The following TACC2 variants were observed in gnomAD, a reference collection of about 807,000 sequenced individuals.
The protein encoded by TACC2 is transforming acidic coiled-coil containing protein 2.
A neutral mutation model predicts 227.3 loss-of-function variants in TACC2; 137 were observed. The ratio of observed to expected loss-of-function variants is 0.60; its 90% CI spans 0.52 to 0.69. The LOEUF (loss-of-function observed/expected upper bound fraction) is 0.69, where lower values mean the gene tolerates loss of function less well. Among genes scored for constraint, TACC2 ranks in the 30% least tolerant of loss-of-function variants. TACC2 has a pLI of 0.00. For synonymous variants in TACC2, 1,523 were observed against 1,487.5 expected (o/e 1.02, Z -0.55); for missense variants, 3,470 against 3,694.4 (o/e 0.94, Z 1.57).
At chr10:122,041,959 T>G (rs2074332043) in intron 2 of TACC2, among the ~76,000 whole-genome samples, 3 of 150,108 alleles carry the variant, frequency 2.0e-5, no homozygotes, top group Admixed American at 1.3e-4. Flanking sequence ...TTTCTTTTCT[T>G]TTTTGAGACG....
intron 1 of TACC2, among the ~76,000 whole-genome samples, chr10:122,013,615 C>A (rs1956205650): frequency 6.6e-6 from 1 of 152,184 alleles, no homozygotes; most frequent in Admixed American, 6.5e-5. Flanking sequence ...TCAGGTGAAC[C>A]TGAGCTCCCC....
intron 18 of TACC2, among the ~76,000 whole-genome samples, chr10:122,240,797 C>A (rs1328695257): frequency 6.6e-6 from 1 of 152,184 alleles, no homozygotes; most frequent in African/African-American, 2.4e-5. Flanking sequence ...TTTCTTCCAG[C>A]AGATTGGCTT....
chr10:122,014,811 C>T (rs1253789960), intron 1 of TACC2, among the ~76,000 whole-genome samples: 1 of 152,216 alleles, frequency 6.6e-6, no homozygotes, highest in Non-Finnish European at 1.5e-5. Context: ...GATTAGTCAC[C>T]TGGCCCAAAC....
rs924445046 is a variant in TACC2, at chr10:122,150,917, A to T, written c.5834+7211A>T. ...ACTATTCGGAAGGTGGCGCAGGGGA[A>T]GGAGCATGAAGTTGGAAAGACAGGC... On this transcript the variant is annotated intron_variant, in intron 7 of 22. Transcript: ENST00000369005. This position sits in a 1 kb window ranked among gnomAD's most constrained non-coding sequence, Gnocchi z 4.0. Among the ~76,000 whole-genome samples, 3 of 152,192 alleles carry T rather than the reference A, an allele frequency of 2.0e-5. No individual in the cohort carries two copies. Among genetic ancestry groups the T allele is most frequent in the Non-Finnish European group, 4.4e-5 (3 of 68,034 alleles).
chr10:122,105,757 A>C (rs1466668429), intron 5 of TACC2, among the ~76,000 whole-genome samples: 2 of 149,476 alleles, frequency 1.3e-5, no homozygotes, highest in African/African-American at 4.9e-5. Flanking sequence ...AGTAGCTGGG[A>C]TTACAGGTGC....
At chr10:122,248,962 C>T (rs957509420) in intron 20 of TACC2, 88 bp from the exon 21 acceptor site, 216 of 1,491,186 alleles carry the variant, frequency 1.4e-4, no homozygotes, top group Non-Finnish European at 1.9e-4. Flanking sequence ...TGGGGTTACA[C>T]CTGCATCCGA....
chr10:122,028,734 C>T (rs1366489673), intron 2 of TACC2, among the ~76,000 whole-genome samples: 3 of 134,278 alleles, frequency 2.2e-5, no homozygotes, highest in Admixed American at 7.6e-5. Context: ...TTCCTTCCTT[C>T]CCCCTCCCCT....
intron 3 of TACC2, among the ~76,000 whole-genome samples, chr10:122,081,891 T>C (rs764666696): frequency 6.6e-6 from 1 of 152,206 alleles, no homozygotes; most frequent in Non-Finnish European, 1.5e-5. Context: ...GAATGGCTCT[T>C]TATTTCAAAG....
chr10:122,009,994 G>A (rs1254003081), intron 1 of TACC2, among the ~76,000 whole-genome samples: 1 of 152,196 alleles, frequency 6.6e-6, no homozygotes. Context: ...GTAGCCTGAT[G>A]TTAGCGAAAA....
intron 7 of TACC2, chr10:122,192,780 G>T (rs2094453033): frequency 2.2e-6 from 1 of 456,542 alleles, no homozygotes; most frequent in Admixed American, 2.3e-5. Context: ...TGGTGCTTCA[G>T]GGAGACTCTG....
rs1439409176 is a variant in TACC2 at position 122,228,009 on chromosome 10, G to A, written c.7896+1G>A. ...CACCCCTTCAGAAGCGATTGAAATT[G>A]TAAGTGGAGTTGGAGGGCCCCAGAT... On this transcript the variant is annotated splice_donor_variant, in intron 14 of 22. Coordinates refer to ENST00000369005, the MANE Select transcript of TACC2 (RefSeq NM_206862.4). LOFTEE classifies it high-confidence loss of function. 2 of 1,611,516 alleles carry A rather than the reference G, an allele frequency of 1.2e-6. No homozygotes were observed. Among genetic ancestry groups the A allele is most frequent in the African/African-American group, 1.3e-5 (1 of 74,854 alleles).
At chr10:122,200,612 C>A in intron 8 of TACC2, among the ~76,000 whole-genome samples, 5 of 138,192 alleles carry the variant, frequency 3.6e-5, no homozygotes, top group South Asian at 2.4e-4. Context: ...GCCACATCTA[C>A]AGTGAGAGGA....
At chr10:122,065,907 TA>T (rs763119504) in intron 3 of TACC2, among the ~76,000 whole-genome samples, 4 of 151,984 alleles carry the variant, frequency 2.6e-5, no homozygotes, top group African/African-American at 4.9e-5. Flanking sequence ...ATGCCTGTAA[TA>T]TTTTTTGCTG....
chr10:122,075,518 C>T (rs1443732820), intron 3 of TACC2, among the ~76,000 whole-genome samples: 7 of 152,194 alleles, frequency 4.6e-5, no homozygotes, highest in South Asian at 2.1e-4. Flanking sequence ...CTCCAATGGA[C>T]GTGACCATAA....
intron 9 of TACC2, among the ~76,000 whole-genome samples, chr10:122,212,096 G>A (rs2095307010): frequency 6.6e-6 from 1 of 152,202 alleles, no homozygotes; most frequent in Non-Finnish European, 1.5e-5. Flanking sequence ...GAGAAGCTGG[G>A]AGATACACCC....
chr10:122,197,648 T>C (rs1272134275), intron 8 of TACC2, among the ~76,000 whole-genome samples: 3 of 152,260 alleles, frequency 2.0e-5, no homozygotes, highest in African/African-American at 7.2e-5. Flanking sequence ...CCTCAGAACC[T>C]TGGATTACAC....
rs967486354 is a variant in TACC2 at position 122,248,946 on chromosome 10, G to A, written c.8554-104G>A. 6.1e-6 allele frequency: 9 copies of A among 1,481,986 alleles called. No homozygotes were observed. In the African/African-American group the frequency reaches 9.7e-5, roughly 16 times the overall value. 91.8% of individuals were successfully genotyped at this position (1,481,986 alleles called of 1,614,324 possible). On this transcript the variant is annotated intron_variant, in intron 20 of 22. Coordinates refer to ENST00000369005, the MANE Select transcript of TACC2 (RefSeq NM_206862.4). Reference sequence around the variant, plus strand: ...CATGCAGGCTGGGGAGGCAGACTTGGCCGCCTGGGGTTACACCTGCATCCG... The same window carrying A: ...CATGCAGGCTGGGGAGGCAGACTTGACCGCCTGGGGTTACACCTGCATCCG...
intron 7 of TACC2, among the ~76,000 whole-genome samples, chr10:122,173,075 AAAC>A: frequency 6.6e-6 from 1 of 152,224 alleles, no homozygotes; most frequent in South Asian, 2.1e-4. Flanking sequence ...AAACCAATTC[AAAC>A]TGACTTAGAG....
chr10:122,074,115 C>G (rs2078488569), intron 3 of TACC2, among the ~76,000 whole-genome samples: 1 of 134,684 alleles, frequency 7.4e-6, no homozygotes, highest in African/African-American at 2.8e-5. Context: ...GAGTATCGCT[C>G]TGTTGCACAG....
Sources: gnomAD v4.1 joint callset for allele counts (sites outside exome capture counted in the v4.1 genomes callset) on GRCh38, gnomAD v4.1.1 for gene constraint, Gnocchi (gnomAD v3.1) non-coding constraint, MANE v1.5 for transcripts, NCBI Gene and HGNC (gene_info 2026-07-23, HGNC 2026-07-21) for gene names.